KIFAP3: variants seen among roughly 807,000 people sequenced by gnomAD.
KIFAP3 encodes kinesin associated protein 3.
KIFAP3 carries 68 observed loss-of-function variants against 106.5 expected under a neutral mutation model. That is an observed-to-expected ratio of 0.64 (90% CI 0.53 to 0.78). The LOEUF is 0.78. Ranked by LOEUF, KIFAP3 falls within the 30% of genes least tolerant of loss-of-function variation. KIFAP3 has a pLI of 0.00. For missense variants in KIFAP3, 780 were observed against 941.8 expected (o/e 0.83, Z 2.25); for synonymous variants, 320 against 311.5 (o/e 1.03, Z -0.29).
chr1:170,074,627 C>G lies in KIFAP3; in HGVS notation c.-160G>C. The G allele has an allele frequency of 2.7e-6, 4 of 1,484,486 alleles. No homozygotes were observed. Among genetic ancestry groups the G allele is most frequent in the Non-Finnish European group, 3.6e-6 (4 of 1,114,214 alleles). The allele number at this position is 1,484,486 out of a possible 1,614,324, so 92.0% of individuals were successfully genotyped here. A position where few individuals can be genotyped will look rare whatever the true frequency, so the allele number is the denominator to read the frequency against. On this transcript the variant is annotated 5_prime_UTR_variant, in exon 1 of 20. Coordinates refer to ENST00000361580, the MANE Select transcript of KIFAP3 (RefSeq NM_014970.4). ...CGGCGCTGTGGTTACCACGGTGAAG[C>G]CTCCAGCTCCTCCCACAGCTTCTGT... is the stretch of plus-strand genomic sequence containing the variant.
chr1:170,039,822 C>T (rs188101023), intron 3 of KIFAP3, among the ~76,000 whole-genome samples: 16 of 152,088 alleles, frequency 1.1e-4, no homozygotes, highest in Non-Finnish European at 1.8e-4. Flanking sequence ...ACATTTATTA[C>T]GTGTGTTAAT....
intron 19 of KIFAP3, among the ~76,000 whole-genome samples, chr1:169,939,314 G>C (rs673789): frequency 0.94 from 142,359 of 152,224 alleles, 66,655 homozygotes; most frequent in East Asian, 0.99. Flanking sequence ...GAGAGAGAGG[G>C]TAATGGTGAA....
chr1:170,079,281 C>A (rs180831166), upstream of KIFAP3, among the ~76,000 whole-genome samples: 1 of 152,294 alleles, frequency 6.6e-6, no homozygotes, highest in African/African-American at 2.4e-5. Context: ...TCCCTTTCCC[C>A]GTCCATCTTG....
intron 1 of KIFAP3, among the ~76,000 whole-genome samples, chr1:170,061,906 C>G (rs940583672): frequency 6.6e-6 from 1 of 152,058 alleles, no homozygotes; most frequent in Non-Finnish European, 1.5e-5. Context: ...AGCAAACTGT[C>G]GCAAGGACAG....
intron 19 of KIFAP3, among the ~76,000 whole-genome samples, chr1:169,938,907 G>A (rs1366835168): frequency 1.3e-5 from 2 of 152,198 alleles, no homozygotes; most frequent in Non-Finnish European, 2.9e-5. Context: ...AATGTCTGGG[G>A]AAGAGAAGGG....
intron 1 of KIFAP3, among the ~76,000 whole-genome samples, chr1:170,072,743 T>C (rs534288378): frequency 6.6e-6 from 1 of 152,306 alleles, no homozygotes; most frequent in East Asian, 1.9e-4. Flanking sequence ...ATAATTAAAA[T>C]TGAAGGTTCT....
chr1:170,057,276 C>T (rs970979953), intron 1 of KIFAP3, among the ~76,000 whole-genome samples: 2 of 151,980 alleles, frequency 1.3e-5, no homozygotes, highest in African/African-American at 4.8e-5. Context: ...AATTCTTGTC[C>T]TCTGTTGTCT....
At chr1:170,045,965 G>C (rs563194591) in intron 3 of KIFAP3, among the ~76,000 whole-genome samples, 4 of 152,086 alleles carry the variant, frequency 2.6e-5, no homozygotes, top group Non-Finnish European at 5.9e-5. Flanking sequence ...GAGTTGCAGT[G>C]AAACAGCTGA....
At chr1:169,992,857 T>C (rs1006274656) in intron 10 of KIFAP3, among the ~76,000 whole-genome samples, 1 of 152,118 alleles carries the variant, frequency 6.6e-6, no homozygotes, top group Non-Finnish European at 1.5e-5. Flanking sequence ...ATATCAAGAT[T>C]TGAAAAACAA....
intron 19 of KIFAP3, among the ~76,000 whole-genome samples, chr1:169,928,697 T>C (rs1357578569): frequency 9.6e-4 from 1 of 1,042 alleles, no homozygotes; most frequent in Non-Finnish European, 1.5e-3. Context: ...AGACCCTGTC[T>C]CCAAAAAAAA....
chr1:169,934,246 T>C, intron 19 of KIFAP3, among the ~76,000 whole-genome samples: 1 of 152,282 alleles, frequency 6.6e-6, no homozygotes, highest in South Asian at 2.1e-4. Flanking sequence ...AACATACTAA[T>C]TGTTGTTGCA....
At chr1:169,963,647 C>G (rs988469350) in intron 17 of KIFAP3, among the ~76,000 whole-genome samples, 1 of 152,010 alleles carries the variant, frequency 6.6e-6, no homozygotes, top group Non-Finnish European at 1.5e-5. Flanking sequence ...TGCCTGCCAC[C>G]ACCACCTGGC....
At chr1:170,041,211 A>T (rs1669959951) in intron 3 of KIFAP3, among the ~76,000 whole-genome samples, 1 of 152,222 alleles carries the variant, frequency 6.6e-6, no homozygotes, top group African/African-American at 2.4e-5. Context: ...TTCACAGCTA[A>T]AAAAAGTATA....
At chr1:169,976,410 T>C (rs1666222514) in intron 16 of KIFAP3, among the ~76,000 whole-genome samples, 1 of 152,148 alleles carries the variant, frequency 6.6e-6, no homozygotes, top group Non-Finnish European at 1.5e-5. Context: ...TTTCCCAAAC[T>C]TATTTACTAT....
At chr1:170,018,959 G>C (rs1319326101) in intron 9 of KIFAP3, among the ~76,000 whole-genome samples, 2 of 151,934 alleles carry the variant, frequency 1.3e-5, no homozygotes, top group African/African-American at 4.8e-5. Flanking sequence ...CTGATTCTTT[G>C]AAAATACCAA....
At chr1:170,055,240 T>C in intron 2 of KIFAP3, 65 bp downstream of exon 2, 1 of 1,409,086 alleles carries the variant, frequency 7.1e-7, no homozygotes, top group Non-Finnish European at 9.6e-7. Flanking sequence ...CAAAATAATA[T>C]CAGATTTGTA....
chr1:169,936,349 T>G (rs1663799120), intron 19 of KIFAP3, among the ~76,000 whole-genome samples: 1 of 151,792 alleles, frequency 6.6e-6, no homozygotes, highest in Non-Finnish European at 1.5e-5. Flanking sequence ...CCTGTAATTA[T>G]TCAAATTACA....
chr1:169,934,780 A>G (rs191901184), intron 19 of KIFAP3, among the ~76,000 whole-genome samples: 4 of 152,038 alleles, frequency 2.6e-5, no homozygotes, highest in African/African-American at 9.6e-5. Flanking sequence ...AGGTATATCT[A>G]TATTTGTTAT....
chr1:169,924,269 T>C (rs1040755845), intron 19 of KIFAP3, among the ~76,000 whole-genome samples: 1 of 152,220 alleles, frequency 6.6e-6, no homozygotes, highest in African/African-American at 2.4e-5. Context: ...GTATGGTCTT[T>C]AGGTTACTAT....
Sources: allele counts gnomAD v4.1 joint callset (sites outside exome capture counted in the v4.1 genomes callset), GRCh38; gene constraint gnomAD v4.1.1; transcripts MANE v1.5; gene names NCBI Gene and HGNC (gene_info 2026-07-23, HGNC 2026-07-21).